CALD1: variants seen among roughly 807,000 people sequenced by gnomAD.
CALD1 encodes the protein caldesmon.
CALD1 carries 33 observed loss-of-function variants against 99.9 expected under a neutral mutation model. The observed-to-expected ratio is 0.33, with a 90% CI of 0.25 to 0.44. The LOEUF (loss-of-function observed/expected upper bound fraction) is 0.44, where lower values mean the gene tolerates loss of function less well. Among genes scored for constraint, CALD1 ranks in the 20% least tolerant of loss-of-function variants. The probability of loss-of-function intolerance (pLI) is 1.00; values close to 1 mark genes in which losing one functional copy is unlikely to be tolerated. For synonymous variants in CALD1, 310 were observed against 325.0 expected, an observed-to-expected ratio of 0.95 and a Z score of 0.50; for missense variants, 861 against 962.1, an observed-to-expected ratio of 0.89 and a Z score of 1.39.
chr7:134,766,795 G>A (rs1289728176), intron 1 of CALD1, among the ~76,000 whole-genome samples: 4 of 152,204 alleles, frequency 2.6e-5, no homozygotes, highest in Admixed American at 6.5e-5. Flanking sequence ...CACCAAAGAC[G>A]AAGAGAGAAG....
upstream of CALD1, among the ~76,000 whole-genome samples, chr7:134,775,369 A>G (rs62462522): frequency 0.13 from 20,326 of 152,144 alleles, 2,429 homozygotes; most frequent in African/African-American, 0.31. Flanking sequence ...AATATTTACT[A>G]TTGTTTTGTC....
chr7:134,856,546 G>A lies in CALD1; in HGVS notation c.-41-11147G>A, dbSNP rs972503395. 2.6e-5 allele frequency among the ~76,000 whole-genome samples: 4 copies of A among 152,106 alleles called. No individual in the cohort carries two copies. In the East Asian group the frequency reaches 7.7e-4, roughly 29 times the overall value. On this transcript the variant is annotated intron_variant, in intron 2 of 14. Transcript: ENST00000361675. ...CAGTGTTTTCTAATTATGATAGAGG[G>A]GTAGCAAGAAGTTTCCAAAGGCTGC...
chr7:134,960,708 T>G (rs1258811411), intron 13 of CALD1, 80 bp downstream of exon 13: 24 of 842,670 alleles, frequency 2.8e-5, no homozygotes, highest in Middle Eastern at 2.3e-4. Flanking sequence ...TTGGTCTGTT[T>G]ACCTAGGAAT....
intron 1 of CALD1, among the ~76,000 whole-genome samples, chr7:134,804,950 C>T (rs1246942654): frequency 6.6e-6 from 1 of 152,140 alleles, no homozygotes. Flanking sequence ...TCTGATAACT[C>T]AGGATGGGAA....
In CALD1 at chr7:134,933,841, A is replaced by G; in HGVS notation, c.1072A>G (p.Arg358Gly). ...EEKRAAEERQRIKEEEKRAAE... is the reference protein window; with the variant it reads ...EEKRAAEERQGIKEEEKRAAE... ...GAAAAGGGCAGCAGAGGAGAGGCAG[A>G]GGATAAAAGAGGAAGAGAAAAGGGC... The change falls in exon 5 of 15, where the codon AGG (arginine) becomes GGG (glycine). Residue 358 changes from arginine (R) to glycine (G), a missense_variant. Arg to Gly is a moderately radical substitution (Grantham distance 125). Transcript: ENST00000361675. The G allele has an allele frequency of 6.2e-7, 1 of 1,601,124 alleles. No homozygotes were observed. The highest frequency in any genetic ancestry group is 8.5e-7 in the Non-Finnish European group (1 of 1,173,720).
intron 1 of CALD1, among the ~76,000 whole-genome samples, chr7:134,792,636 C>T (rs1797584850): frequency 6.6e-6 from 1 of 152,058 alleles, no homozygotes; most frequent in South Asian, 2.1e-4. Flanking sequence ...TAGGGGCCAA[C>T]TTAATGACCT....
At chr7:134,812,296 G>A (rs1214182188) in intron 1 of CALD1, among the ~76,000 whole-genome samples, 1 of 92,812 alleles carries the variant, frequency 1.1e-5, no homozygotes, top group Non-Finnish European at 2.5e-5. Flanking sequence ...GTGGTAGAAA[G>A]TTATTATTTT....
chr7:134,928,747 G>T lies in CALD1; in HGVS notation c.72-7G>T. The T allele has an allele frequency of 6.2e-7, 1 of 1,612,894 alleles. No homozygotes were observed. Among genetic ancestry groups the T allele is most frequent in the South Asian group, 1.1e-5 (1 of 90,810 alleles). On this transcript the variant is annotated splice_polypyrimidine_tract_variant and splice_region_variant and intron_variant, in intron 3 of 14. Transcript: ENST00000361675. Reference sequence around the variant, plus strand: ...ACGCTCAAGAGGTTGTCTTTGTAATGTTGCAGAATCGCCTACCAGAGGAAT... The same window carrying T: ...ACGCTCAAGAGGTTGTCTTTGTAATTTTGCAGAATCGCCTACCAGAGGAAT...
rs183336157 is a variant in CALD1, at chr7:134,793,175, C to T, written c.-130+13426C>T. ...AGGGGAGCAGCTTCAGGGCAGCTGGCCGGGCCAGGGAGGCAGCCACAGAGG... is the reference window on the plus strand; with the variant it reads ...AGGGGAGCAGCTTCAGGGCAGCTGGTCGGGCCAGGGAGGCAGCCACAGAGG... On this transcript the variant is annotated intron_variant, in intron 1 of 14. Coordinates refer to ENST00000361675, the MANE Select transcript of CALD1 (RefSeq NM_033138.4). 4.1e-4 allele frequency among the ~76,000 whole-genome samples: 62 copies of T among 152,322 alleles called. No individual in the cohort carries two copies. The East Asian group carries it at 0.011, about 28-fold the overall frequency.
At chr7:134,774,211 G>A (rs558491043) in intron 1 of CALD1, among the ~76,000 whole-genome samples, 2 of 151,874 alleles carry the variant, frequency 1.3e-5, no homozygotes, top group South Asian at 2.1e-4. Context: ...CCAATTGGAA[G>A]TTGCTGCAAA....
At chr7:134,896,948 G>T (rs1397785069) in intron 3 of CALD1, among the ~76,000 whole-genome samples, 1 of 152,142 alleles carries the variant, frequency 6.6e-6, no homozygotes, top group Non-Finnish European at 1.5e-5. Flanking sequence ...TTAAAAAGGT[G>T]GTTGTAGGCT....
At chr7:134,796,844 C>T (rs1187927563) in intron 1 of CALD1, among the ~76,000 whole-genome samples, 1 of 152,148 alleles carries the variant, frequency 6.6e-6, no homozygotes, top group African/African-American at 2.4e-5. Context: ...CCTCAGTTTC[C>T]CACAGTGCTG....
At chr7:134,834,624 T>A (rs567909766) in intron 1 of CALD1, among the ~76,000 whole-genome samples, 8 of 152,354 alleles carry the variant, frequency 5.3e-5, no homozygotes, top group African/African-American at 1.9e-4. Flanking sequence ...AGGGTTTCTA[T>A]GAAAATCATT....
At chr7:134,712,870 G>A in the CALD1 span, among the ~76,000 whole-genome samples, 9 of 152,274 alleles carry the variant, frequency 5.9e-5, no homozygotes, top group African/African-American at 1.2e-4. Context: ...GAAGAAAGTC[G>A]TTAAAATCCA....
chr7:134,921,022 G>A (rs1317584887), intron 3 of CALD1, among the ~76,000 whole-genome samples: 1 of 152,164 alleles, frequency 6.6e-6, no homozygotes, highest in Non-Finnish European at 1.5e-5. Context: ...CAAGCACAGG[G>A]AATATTGAAG....
chr7:134,736,351 T>C, the CALD1 span, among the ~76,000 whole-genome samples: 1 of 152,050 alleles, frequency 6.6e-6, no homozygotes, highest in Non-Finnish European at 1.5e-5. Flanking sequence ...TCTGTAAGAG[T>C]ATAGAGCTAC....
intron 1 of CALD1, among the ~76,000 whole-genome samples, chr7:134,755,134 G>A (rs190384124): frequency 1.8e-4 from 28 of 152,200 alleles, no homozygotes; most frequent in African/African-American, 6.3e-4. Context: ...CTGAGTAGCT[G>A]GGATTACAGG....
At chr7:134,791,667 C>CA (rs1479095588) in intron 1 of CALD1, among the ~76,000 whole-genome samples, 4 of 133,772 alleles carry the variant, frequency 3.0e-5, no homozygotes, top group Admixed American at 7.8e-5. Context: ...AAATGAAAAA[C>CA]AAAAAACAAA....
At chr7:134,967,168 C>G (rs530199717) in intron 14 of CALD1, among the ~76,000 whole-genome samples, 1 of 152,228 alleles carries the variant, frequency 6.6e-6, no homozygotes, top group South Asian at 2.1e-4. Flanking sequence ...CAGAGAACAC[C>G]ACTCACATAC....
Sources: gnomAD v4.1 joint callset for allele counts (sites outside exome capture counted in the v4.1 genomes callset) on GRCh38, gnomAD v4.1.1 for gene constraint, MANE v1.5 for transcripts, NCBI Gene and HGNC (gene_info 2026-07-23, HGNC 2026-07-21) for gene names.